The following DGKG variants were observed in gnomAD, a reference collection of about 807,000 sequenced individuals.
DGKG encodes the protein diacylglycerol kinase gamma, also known as DAG kinase gamma.
Under a neutral mutation model 105.3 loss-of-function variants are expected in DGKG, and 78 were observed. The ratio of observed to expected loss-of-function variants is 0.74; its 90% CI spans 0.62 to 0.89. The LOEUF (loss-of-function observed/expected upper bound fraction) is 0.89, where lower values mean the gene tolerates loss of function less well. Ranked by LOEUF, DGKG falls within the 40% of genes least tolerant of loss-of-function variation. DGKG has a pLI of 0.00. For missense variants in DGKG, 958 were observed against 1,020.1 expected, an observed-to-expected ratio of 0.94 and a Z score of 0.83; for synonymous variants, 346 against 367.1, an observed-to-expected ratio of 0.94 and a Z score of 0.66.
At chr3:186,258,147 T>G (rs1239518072) in intron 16 of DGKG, among the ~76,000 whole-genome samples, 1 of 152,314 alleles carries the variant, frequency 6.6e-6, no homozygotes, top group East Asian at 1.9e-4. Flanking sequence ...GCCATCCTTG[T>G]GCAAGGATAA....
At chr3:186,356,724 C>A (rs753893940) in intron 1 of DGKG, among the ~76,000 whole-genome samples, 22 of 152,044 alleles carry the variant, frequency 1.4e-4, no homozygotes, top group Non-Finnish European at 8.8e-5. Context: ...GCAAATGGCC[C>A]ATGAGGTAGG....
At chr3:186,326,924 T>C (rs367823463) in intron 1 of DGKG, among the ~76,000 whole-genome samples, 28 of 152,284 alleles carry the variant, frequency 1.8e-4, no homozygotes, top group African/African-American at 6.3e-4. Context: ...TTTGGGAGGC[T>C]GAGCCAGGCA....
At chr3:186,247,707 AGGGCACACCAATGAGAT>A (rs1312123855) in intron 19 of DGKG, among the ~76,000 whole-genome samples, 4 of 152,222 alleles carry the variant, frequency 2.6e-5, no homozygotes, top group Non-Finnish European at 5.9e-5. Flanking sequence ...GAGAAAGCCA[AGGGCACACCAATGAGAT>A]GAGAACAGCC....
intron 21 of DGKG, among the ~76,000 whole-genome samples, chr3:186,192,564 T>C (rs1225473051): frequency 2.6e-5 from 4 of 152,190 alleles, no homozygotes; most frequent in Non-Finnish European, 5.9e-5. Flanking sequence ...TACCCCCAAC[T>C]GACAGGGCCT....
At chr3:186,181,004 G>A (rs542701144) in intron 22 of DGKG, among the ~76,000 whole-genome samples, 1 of 152,358 alleles carries the variant, frequency 6.6e-6, no homozygotes, top group African/African-American at 2.4e-5. Context: ...CCTGAAGAGT[G>A]CTTGTGCCTG....
In DGKG at chr3:186,318,324, T is replaced by C. The variant is rs796992692; in HGVS notation, c.67+2069A>G. On this transcript the variant is annotated intron_variant, in intron 2 of 24. Coordinates refer to ENST00000265022, the MANE Select transcript of DGKG (RefSeq NM_001346.3). ...CACCCCTGCACACCACAGGAATGCT[T>C]AGTGGGTGTGTTATCACCATCTCAA... Among the ~76,000 whole-genome samples, 13 of 152,268 alleles carry C rather than the reference T, an allele frequency of 8.5e-5. 1 individual carries two copies. Among genetic ancestry groups the C allele is most frequent in the African/African-American group, 3.1e-4 (13 of 41,540 alleles).
intron 21 of DGKG, among the ~76,000 whole-genome samples, chr3:186,211,013 G>C (rs935779211): frequency 1.3e-5 from 2 of 152,170 alleles, no homozygotes; most frequent in African/African-American, 2.4e-5. Context: ...CAGCCAACGT[G>C]GGGTGAGAGG....
chr3:186,340,314 GT>G (rs1726028935), intron 1 of DGKG, among the ~76,000 whole-genome samples: 1 of 152,168 alleles, frequency 6.6e-6, no homozygotes. Context: ...GCTTGCAGGG[GT>G]TAGGAGTGGC....
chr3:186,318,946 C>T (rs1303880286), intron 2 of DGKG, among the ~76,000 whole-genome samples: 1 of 152,212 alleles, frequency 6.6e-6, no homozygotes, highest in Non-Finnish European at 1.5e-5. Context: ...TGCCTGCTGC[C>T]TTAAAGCAGT....
intron 21 of DGKG, among the ~76,000 whole-genome samples, chr3:186,199,933 G>A (rs943816285): frequency 3.3e-5 from 5 of 152,328 alleles, no homozygotes; most frequent in African/African-American, 1.2e-4. Flanking sequence ...TCATGCATGA[G>A]ATGCAAGTGA....
At chr3:186,293,193 CA>C (rs1723389671) in intron 5 of DGKG, among the ~76,000 whole-genome samples, 1 of 152,170 alleles carries the variant, frequency 6.6e-6, no homozygotes, top group African/African-American at 2.4e-5. Flanking sequence ...TGGGTTTGGG[CA>C]AATGTACAAT....
chr3:186,256,543 CTCT>C (rs779260588), intron 17 of DGKG, among the ~76,000 whole-genome samples: 2 of 152,220 alleles, frequency 1.3e-5, no homozygotes, highest in Non-Finnish European at 2.9e-5. Context: ...CGCTTCTGCC[CTCT>C]TCTCTTAATC....
intron 19 of DGKG, 120 bp from the exon 20 acceptor site, chr3:186,242,688 A>G (rs781357060): frequency 4.4e-5 from 34 of 774,178 alleles, no homozygotes; most frequent in Non-Finnish European, 6.5e-5. Flanking sequence ...TATCTATCGC[A>G]TGGTGGGGCT....
chr3:186,311,731 G>A lies in DGKG; in HGVS notation c.68-4754C>T, dbSNP rs548444133. Among the ~76,000 whole-genome samples, 64 of 152,312 alleles carry A rather than the reference G, an allele frequency of 4.2e-4. No homozygotes were observed. In the South Asian group the frequency reaches 0.012, roughly 29 times the overall value. The stretch of plus-strand genomic sequence containing the variant: ...ACAGGGGTGCGTTCCATCTGAACAA[G>A]CAGACAAATCAGAGACTTCAGTGTT... On this transcript the variant is annotated intron_variant, in intron 2 of 24. Coordinates refer to ENST00000265022, the MANE Select transcript of DGKG (RefSeq NM_001346.3).
intron 20 of DGKG, among the ~76,000 whole-genome samples, chr3:186,239,899 CTT>C (rs796306145): frequency 0.045 from 6,138 of 136,362 alleles, 133 homozygotes; most frequent in African/African-American, 0.061. Context: ...ACGCTACAAT[CTT>C]TTTTTTTTTT....
chr3:186,161,156 G>A (rs1184421396), intron 24 of DGKG: 1 of 989,280 alleles, frequency 1.0e-6, no homozygotes, highest in Non-Finnish European at 1.2e-6. Context: ...AGCAGTCAAA[G>A]GCGCTACCCT....
At chr3:186,260,620 G>T (rs1721725490) in intron 15 of DGKG, 107 bp from the exon 16 acceptor site, 11 of 854,894 alleles carry the variant, frequency 1.3e-5, no homozygotes, top group Non-Finnish European at 1.9e-5. Flanking sequence ...TGGTGGCAGG[G>T]ATGAGGGTTC....
Position 186,312,122 on chromosome 3 carries a change from CAAAAAAAAAAAAAAA to C in DGKG, c.68-5160_68-5146del, listed in dbSNP as rs34286105. 5.2e-4 allele frequency among the ~76,000 whole-genome samples: 9 copies of C among 17,470 alleles called. 1 individual carries two copies. The highest frequency in any genetic ancestry group is 9.6e-3 in the South Asian group (2 of 208). 11.5% of individuals were successfully genotyped at this position (17,470 alleles called of 152,430 possible). On this transcript the variant is annotated intron_variant, in intron 2 of 24. Coordinates refer to ENST00000265022, the MANE Select transcript of DGKG (RefSeq NM_001346.3). ...TGGGCGACAGAGCGAGACTCCGTCT[CAAAAAAAAAAAAAAA>C]AAAAAAAAAAAAAAAAAAAAAGAAC...
chr3:186,314,963 T>C (rs971832890), intron 2 of DGKG, among the ~76,000 whole-genome samples: 1 of 151,930 alleles, frequency 6.6e-6, no homozygotes, highest in African/African-American at 2.4e-5. Flanking sequence ...GAAGAAAAAA[T>C]GCCCACCCCC....
Sources: gnomAD v4.1 joint callset for allele counts (sites outside exome capture counted in the v4.1 genomes callset) on GRCh38, gnomAD v4.1.1 for gene constraint, MANE v1.5 for transcripts, NCBI Gene and HGNC (gene_info 2026-07-23, HGNC 2026-07-21) for gene names.